Variants in GRK5 observed in about 807,000 individuals in gnomAD.
The protein encoded by GRK5 is g protein-coupled receptor kinase GRK5.
In GRK5, 40 loss-of-function variants were observed where a neutral mutation model predicts 78.4. The observed-to-expected ratio is 0.51, with a 90% CI of 0.40 to 0.66. The LOEUF (loss-of-function observed/expected upper bound fraction) is 0.66. GRK5 is among the 30% of genes least tolerant of loss of function. GRK5 has a pLI of 0.00. For missense variants in GRK5, 598 were observed against 759.9 expected, an observed-to-expected ratio of 0.79 and a Z score of 2.50; for synonymous variants, 289 against 296.8, an observed-to-expected ratio of 0.97 and a Z score of 0.27.
rs551615847 is a variant in GRK5, at chr10:119,345,278, T to C, written c.148+18667T>C. 2.0e-4 allele frequency among the ~76,000 whole-genome samples: 30 copies of C among 152,282 alleles called. No individual in the cohort carries two copies. The East Asian group carries it at 5.4e-3, about 27-fold the overall frequency. On this transcript the variant is annotated intron_variant, in intron 2 of 15. Transcript: ENST00000392870. Reference sequence around the variant, plus strand: ...CCACCGCGCCCGGCCACAGACTCACTTTCTTGGGGTTTGGCAGGTCAGCAG... The same window carrying C: ...CCACCGCGCCCGGCCACAGACTCACCTTCTTGGGGTTTGGCAGGTCAGCAG...
chr10:119,247,182 A>T (rs956599307), intron 1 of GRK5, among the ~76,000 whole-genome samples: 1 of 152,236 alleles, frequency 6.6e-6, no homozygotes, highest in African/African-American at 2.4e-5. Context: ...CTCTGAGAAC[A>T]TTCCATTAGA....
intron 3 of GRK5, among the ~76,000 whole-genome samples, chr10:119,393,301 C>A (rs1279250039): frequency 6.6e-6 from 1 of 152,272 alleles, no homozygotes; most frequent in Admixed American, 6.5e-5. Context: ...CCTCTGCCGC[C>A]CTGTGGACCT....
chr10:119,449,062 C>T (rs958267685), intron 13 of GRK5, among the ~76,000 whole-genome samples: 6 of 152,164 alleles, frequency 3.9e-5, no homozygotes, highest in South Asian at 2.1e-4. Flanking sequence ...GGGACTGGGC[C>T]GGGGACTATG....
chr10:119,439,724 CTT>C lies in GRK5; in HGVS notation c.930-5_930-4del. ...CACACTCTGATGCTTGTTGTTTTTC[CTT>C]TCAGAGATCTGAAACCTGAAAACAT... On this transcript the variant is annotated splice_region_variant and splice_polypyrimidine_tract_variant and intron_variant, in intron 9 of 15. Transcript: ENST00000392870. 1 of 1,614,012 alleles carries C rather than the reference CTT, an allele frequency of 6.2e-7. No individual in the cohort carries two copies. The highest frequency in any genetic ancestry group is 8.5e-7 in the Non-Finnish European group (1 of 1,179,906).
chr10:119,366,440 AG>A (rs1162948666), intron 2 of GRK5, among the ~76,000 whole-genome samples: 2 of 152,222 alleles, frequency 1.3e-5, no homozygotes, highest in Non-Finnish European at 2.9e-5. Flanking sequence ...GGTGTGAGAC[AG>A]CACATCAGTT....
At chr10:119,358,990 C>T (rs1419776445) in intron 2 of GRK5, among the ~76,000 whole-genome samples, 1 of 152,188 alleles carries the variant, frequency 6.6e-6, no homozygotes, top group Admixed American at 6.5e-5. Flanking sequence ...ATTCATTTAA[C>T]CTTAATTACC....
chr10:119,240,300 A>C (rs1413013771), intron 1 of GRK5, among the ~76,000 whole-genome samples: 2 of 138,760 alleles, frequency 1.4e-5, no homozygotes, highest in African/African-American at 5.5e-5. Flanking sequence ...CTCTGGGTTC[A>C]TGCCATTCTC....
chr10:119,398,712 G>A (rs1026006191), intron 4 of GRK5, among the ~76,000 whole-genome samples: 4 of 152,238 alleles, frequency 2.6e-5, no homozygotes, highest in African/African-American at 9.6e-5. Context: ...AGGAAGGAGA[G>A]GCTCAGGGGA....
chr10:119,401,341 C>T (rs546782334), intron 4 of GRK5, among the ~76,000 whole-genome samples: 29 of 152,352 alleles, frequency 1.9e-4, no homozygotes, highest in African/African-American at 6.7e-4. Context: ...TCCGTAGACC[C>T]TGCCTCGAAT....
chr10:119,406,976 A>G (rs1852250838), intron 4 of GRK5, among the ~76,000 whole-genome samples: 1 of 152,198 alleles, frequency 6.6e-6, no homozygotes, highest in Admixed American at 6.5e-5. Context: ...AGCCATATAA[A>G]ATAACAAGAA....
intron 4 of GRK5, among the ~76,000 whole-genome samples, chr10:119,418,074 C>T (rs541080054): frequency 2.6e-5 from 4 of 152,290 alleles, no homozygotes; most frequent in South Asian, 2.1e-4. Flanking sequence ...CAAACCAGCA[C>T]GAGCTCTGTC....
intron 1 of GRK5, among the ~76,000 whole-genome samples, chr10:119,285,249 C>T (rs1374451107): frequency 6.6e-6 from 1 of 152,122 alleles, no homozygotes; most frequent in South Asian, 2.1e-4. Flanking sequence ...CACTAAGGGA[C>T]TCCTGTTTTC....
At chr10:119,377,300 A>G (rs1343319056) in intron 2 of GRK5, among the ~76,000 whole-genome samples, 1 of 152,186 alleles carries the variant, frequency 6.6e-6, no homozygotes, top group African/African-American at 2.4e-5. Context: ...GAAGCAACCT[A>G]TACCTCGGGT....
At chr10:119,277,592 C>G (rs186103308) in intron 1 of GRK5, among the ~76,000 whole-genome samples, 27 of 152,262 alleles carry the variant, frequency 1.8e-4, no homozygotes, top group Non-Finnish European at 3.1e-4. Context: ...AGACAGTAAG[C>G]CACACATATT....
chr10:119,333,637 G>A (rs940123796), intron 2 of GRK5: 56 of 404,986 alleles, frequency 1.4e-4, no homozygotes, highest in African/African-American at 1.1e-3. Context: ...AGTACTCAAG[G>A]CAGGGAGACT....
At chr10:119,208,863 G>A (rs1013704410) in intron 1 of GRK5, among the ~76,000 whole-genome samples, 5 of 151,972 alleles carry the variant, frequency 3.3e-5, no homozygotes, top group Non-Finnish European at 7.4e-5. Context: ...TTGTGTCCAT[G>A]TAAACATATG....
chr10:119,411,133 G>A (rs1852329756), intron 4 of GRK5, among the ~76,000 whole-genome samples: 1 of 152,034 alleles, frequency 6.6e-6, no homozygotes. Context: ...CACAAAGACA[G>A]CTCCCATGCC....
Position 119,427,956 on chromosome 10 carries a change from C to A in GRK5, c.534-2419C>A, listed in dbSNP as rs78910573. 1.0e-4 allele frequency among the ~76,000 whole-genome samples: 6 copies of A among 57,456 alleles called. No individual in the cohort carries two copies. The East Asian group carries it at 1.1e-3, about 11-fold the overall frequency. The allele number at this position is 57,456 out of a possible 152,430, so 37.7% of individuals were successfully genotyped here. A position where few individuals can be genotyped will look rare whatever the true frequency, so the allele number is the denominator to read the frequency against. ...CATCAGCCTCACTGCCATCATCAGCCTCACTGCCATCATCAGCATCACCGC... is the reference window on the plus strand; with the variant it reads ...CATCAGCCTCACTGCCATCATCAGCATCACTGCCATCATCAGCATCACCGC... On this transcript the variant is annotated intron_variant, in intron 6 of 15. Coordinates refer to ENST00000392870, the MANE Select transcript of GRK5 (RefSeq NM_005308.3).
intron 1 of GRK5, among the ~76,000 whole-genome samples, chr10:119,318,143 T>C (rs952711009): frequency 7.2e-5 from 11 of 151,870 alleles, no homozygotes; most frequent in African/African-American, 2.7e-4. Flanking sequence ...GTGGAACCTT[T>C]CTCTGATCGA....
Sources: gnomAD v4.1 joint callset for allele counts (sites outside exome capture counted in the v4.1 genomes callset) on GRCh38, gnomAD v4.1.1 for gene constraint, MANE v1.5 for transcripts, NCBI Gene and HGNC (gene_info 2026-07-23, HGNC 2026-07-21) for gene names.